The following USP34 variants were observed in gnomAD, a reference collection of about 807,000 sequenced individuals.
USP34 encodes ubiquitin carboxyl-terminal hydrolase 34.
In USP34, 70 loss-of-function variants were observed where a neutral mutation model predicts 460.3. The ratio of observed to expected loss-of-function variants is 0.15; its 90% confidence interval spans 0.13 to 0.19. USP34 has a LOEUF of 0.19. USP34 is among the 10% of genes least tolerant of loss of function. The probability of loss-of-function intolerance (pLI) is 1.00; values close to 1 mark genes in which losing one functional copy is unlikely to be tolerated. For missense variants in USP34, 3,985 were observed against 4,236.2 expected (o/e 0.94, Z 1.65); for synonymous variants, 1,647 against 1,405.3 (o/e 1.17, Z -3.85).
chr2:61,299,739 G>A (rs901915876), intron 29 of USP34, among the ~76,000 whole-genome samples: 1 of 152,116 alleles, frequency 6.6e-6, no homozygotes, highest in African/African-American at 2.4e-5. Context: ...GTGACACACT[G>A]AGACCATGTC....
At chr2:61,444,846 C>T (rs146641048) in intron 1 of USP34, among the ~76,000 whole-genome samples, 8 of 151,338 alleles carry the variant, frequency 5.3e-5, no homozygotes, top group East Asian at 1.9e-4. Context: ...GCACCCCCTC[C>T]GTCTCTGTAC....
chr2:61,299,649 G>A (rs917637754), intron 29 of USP34, among the ~76,000 whole-genome samples: 2 of 151,042 alleles, frequency 1.3e-5, no homozygotes, highest in African/African-American at 2.4e-5. Flanking sequence ...TATTCAGGAC[G>A]CTGAGGCAGC....
At position 61,312,156 on chromosome 2, in the gene USP34, T is replaced by G. The variant is rs76318494; in HGVS notation, c.3543-246A>C. Among the ~76,000 whole-genome samples the G allele has an allele frequency of 3.1e-3, 463 of 150,414 alleles. 12 individuals carry two copies. In the East Asian group the frequency reaches 0.045, roughly 15 times the overall value. ...GAAATTACTGAGGAAAAAAAAAATCTCCTTAAGGCCAGTTTATTATTTTTT... is the reference window on the plus strand; with the variant it reads ...GAAATTACTGAGGAAAAAAAAAATCGCCTTAAGGCCAGTTTATTATTTTTT... On this transcript the variant is annotated intron_variant, in intron 25 of 79. Coordinates refer to ENST00000398571, the MANE Select transcript of USP34 (RefSeq NM_014709.4).
chr2:61,372,994 A>G (rs1054985641), intron 8 of USP34, among the ~76,000 whole-genome samples: 15 of 152,146 alleles, frequency 9.9e-5, no homozygotes, highest in Non-Finnish European at 8.8e-5. Context: ...TAAGAGAAAA[A>G]CAACTAAGCA....
chr2:61,222,760 G>T (rs1025484416), intron 64 of USP34, 97 bp from the exon 65 acceptor site: 200 of 1,135,538 alleles, frequency 1.8e-4, no homozygotes, highest in Non-Finnish European at 2.4e-4. Flanking sequence ...GCAGTGGCGA[G>T]ATCACAGCTC....
chr2:61,236,827 T>A (rs1009640466), intron 53 of USP34, among the ~76,000 whole-genome samples: 8 of 152,338 alleles, frequency 5.3e-5, no homozygotes, highest in Non-Finnish European at 1.2e-4. Flanking sequence ...TTTCTGACAT[T>A]AGGACTGCAG....
intron 2 of USP34, among the ~76,000 whole-genome samples, chr2:61,410,487 T>C (rs1268085811): frequency 1.3e-5 from 2 of 152,224 alleles, no homozygotes; most frequent in Non-Finnish European, 2.9e-5. Flanking sequence ...CTGTGTGGCC[T>C]GGTTCCTAAT....
At chr2:61,389,253 T>C (rs1255947474) in intron 5 of USP34, among the ~76,000 whole-genome samples, 1 of 152,224 alleles carries the variant, frequency 6.6e-6, no homozygotes, top group East Asian at 1.9e-4. Context: ...ATGTTCTGTT[T>C]CTTGGTTTGA....
chr2:61,416,236 C>T (rs1364895937), intron 2 of USP34, among the ~76,000 whole-genome samples: 2 of 152,172 alleles, frequency 1.3e-5, no homozygotes, highest in Admixed American at 1.3e-4. Context: ...AAGAGTGAAC[C>T]ACATACATTT....
chr2:61,345,236 T>G (rs1478144809), intron 15 of USP34, among the ~76,000 whole-genome samples: 1 of 151,208 alleles, frequency 6.6e-6, no homozygotes, highest in African/African-American at 2.4e-5. Context: ...ATCGTGCCAC[T>G]GCACTCCAGC....
intron 67 of USP34, among the ~76,000 whole-genome samples, chr2:61,217,542 A>T (rs1687437981): frequency 6.6e-6 from 1 of 152,234 alleles, no homozygotes; most frequent in African/African-American, 2.4e-5. Context: ...TAATTTTAAC[A>T]TGATGCATTA....
intron 43 of USP34, 61 bp from the exon 44 acceptor site, chr2:61,259,837 C>G: frequency 3.9e-6 from 6 of 1,530,742 alleles, no homozygotes; most frequent in Non-Finnish European, 5.4e-6. Context: ...ATTAGGCATT[C>G]TAGCAAAGAA....
Position 61,227,168 on chromosome 2 carries a change from T to C in USP34, c.7494A>G (p.Glu2498=). Residue 2498 remains glutamate (E), a synonymous_variant, in exon 62 of 80, where the codon GAA becomes GAG. Coordinates refer to ENST00000398571, the MANE Select transcript of USP34 (RefSeq NM_014709.4). ...SEEEGEEEEE[E]EDILSLAEEK... ...CTTCTGCCAGAGAGAGGATATCTTC[T>C]TCCTCCTCTTCTTCTTCCCCTTCTT... The C allele has an allele frequency of 6.2e-7, 1 of 1,613,954 alleles. No homozygotes were observed. Among genetic ancestry groups the C allele is most frequent in the South Asian group, 1.1e-5 (1 of 91,046 alleles).
chr2:61,323,414 C>T lies in USP34; in HGVS notation c.3013+1961G>A, dbSNP rs972700506. ...CTATAGTCCCAGCTTACTTGGGAGG[C>T]TGAGGCAAGAGAATGGCGTGAACCT... On this transcript the variant is annotated intron_variant, in intron 21 of 79. Coordinates refer to ENST00000398571, the MANE Select transcript of USP34 (RefSeq NM_014709.4). 3.3e-5 allele frequency among the ~76,000 whole-genome samples: 5 copies of T among 151,094 alleles called. No individual in the cohort carries two copies. In the South Asian group the frequency reaches 1.0e-3, roughly 32 times the overall value.
At chr2:61,236,974 T>C (rs72884995) in intron 53 of USP34, among the ~76,000 whole-genome samples, 19,820 of 152,216 alleles carry the variant, frequency 0.13, 1,445 homozygotes, top group African/African-American at 0.17. Flanking sequence ...GTTATACTTC[T>C]GATTTTATTT....
chr2:61,194,861 G>A (rs1435746140), intron 75 of USP34, among the ~76,000 whole-genome samples: 4 of 151,914 alleles, frequency 2.6e-5, no homozygotes, highest in Admixed American at 6.6e-5. Flanking sequence ...GCTGACGCAG[G>A]AGAATTGCTT....
intron 61 of USP34, among the ~76,000 whole-genome samples, chr2:61,227,517 C>G (rs1687761215): frequency 6.6e-6 from 1 of 152,048 alleles, no homozygotes; most frequent in South Asian, 2.1e-4. Flanking sequence ...TCGAGAACAG[C>G]CTGGCCGACA....
At chr2:61,452,714 T>C (rs1695319961) in intron 1 of USP34, among the ~76,000 whole-genome samples, 1 of 146,922 alleles carries the variant, frequency 6.8e-6, no homozygotes, top group African/African-American at 2.6e-5. Context: ...AGAGGCCCTG[T>C]CTCCACCAAA....
intron 62 of USP34, 97 bp downstream of exon 62, chr2:61,226,970 T>C: frequency 7.5e-7 from 1 of 1,332,190 alleles, no homozygotes; most frequent in Middle Eastern, 2.4e-4. Flanking sequence ...ATTAAACATA[T>C]ATAATAAAAA....
Sources: allele counts gnomAD v4.1 joint callset (sites outside exome capture counted in the v4.1 genomes callset), GRCh38; gene constraint gnomAD v4.1.1; transcripts MANE v1.5; gene names NCBI Gene and HGNC (gene_info 2026-07-23, HGNC 2026-07-21).